The following PCDH9 variants were observed in gnomAD, a reference collection of about 807,000 sequenced individuals.
The protein encoded by PCDH9 is protocadherin 9.
A neutral mutation model predicts 70.6 loss-of-function variants in PCDH9; 24 were observed. The observed-to-expected ratio is 0.34, with a 90% CI of 0.25 to 0.48. PCDH9 has a LOEUF of 0.48. Ranked by LOEUF, PCDH9 falls within the 20% of genes least tolerant of loss-of-function variation. The pLI is 0.99. For synonymous variants in PCDH9, 562 were observed against 558.5 expected, an observed-to-expected ratio of 1.01 and a Z score of -0.09; for missense variants, 1,281 against 1,503.6, an observed-to-expected ratio of 0.85 and a Z score of 2.45.
At chr13:66,942,353 T>C (rs1054750764) in intron 2 of PCDH9, among the ~76,000 whole-genome samples, 1 of 151,082 alleles carries the variant, frequency 6.6e-6, no homozygotes, top group Admixed American at 6.6e-5. Flanking sequence ...CAGAAAAAAA[T>C]TGGCATAACC....
rs182541953 is a variant in PCDH9, at chr13:66,982,567, C to T, written c.3037-78962G>A. On this transcript the variant is annotated intron_variant, in intron 2 of 4. Coordinates refer to ENST00000377865, the MANE Select transcript of PCDH9 (RefSeq NM_203487.3). ...GAAAACTGTCTTCAAGCCCTACCTACCCCGGGTTCTCCTGGAATGAGGATC... is the reference window on the plus strand; with the variant it reads ...GAAAACTGTCTTCAAGCCCTACCTATCCCGGGTTCTCCTGGAATGAGGATC... 2.6e-4 allele frequency among the ~76,000 whole-genome samples: 39 copies of T among 152,238 alleles called. No homozygotes were observed. The East Asian group carries it at 7.5e-3, about 29-fold the overall frequency.
chr13:67,137,261 C>T (rs1411121894), intron 2 of PCDH9, among the ~76,000 whole-genome samples: 3 of 151,968 alleles, frequency 2.0e-5, no homozygotes, highest in Admixed American at 1.3e-4. Flanking sequence ...GGGCTTGATA[C>T]GGGTGAGCCA....
intron 4 of PCDH9, among the ~76,000 whole-genome samples, chr13:66,610,170 AT>A (rs922198591): frequency 6.6e-6 from 1 of 151,956 alleles, no homozygotes; most frequent in African/African-American, 2.4e-5. Flanking sequence ...ATTATTACTA[AT>A]GCATCAAATA....
intron 3 of PCDH9, among the ~76,000 whole-genome samples, chr13:66,766,022 T>C (rs1027509569): frequency 6.6e-5 from 10 of 152,070 alleles, no homozygotes; most frequent in Admixed American, 5.9e-4. Context: ...TAGGGGGATC[T>C]CTTATATAGT....
intron 4 of PCDH9, among the ~76,000 whole-genome samples, chr13:66,488,505 T>C (rs1030168201): frequency 1.3e-5 from 2 of 152,092 alleles, no homozygotes; most frequent in African/African-American, 2.4e-5. Flanking sequence ...AGATGAGAGA[T>C]TTTTATGAGT....
Position 67,227,841 on chromosome 13 carries a change from C to G in PCDH9, c.600G>C (p.Lys200Asn). Residue 200 changes from lysine (K) to asparagine (N), a missense_variant, in exon 2 of 5, where the codon AAG becomes AAC. Coordinates refer to ENST00000377865, the MANE Select transcript of PCDH9 (RefSeq NM_203487.3). The surrounding 1 kb of genome is among the most constrained non-coding windows in gnomAD (Gnocchi z 4.6). ...TTTGCTGAACAATCAGTTGTGGCCACTTCTCTCCCTCTGGAGTTTCCACGA... is the reference window on the plus strand; with the variant it reads ...TTTGCTGAACAATCAGTTGTGGCCAGTTCTCTCCCTCTGGAGTTTCCACGA... Reference protein sequence around the residue: ...LDIVETPEGEKWPQLIVQQNL... With the variant: ...LDIVETPEGENWPQLIVQQNL... 1 of 1,614,036 alleles carries G rather than the reference C, an allele frequency of 6.2e-7. No homozygotes were observed. The highest frequency in any genetic ancestry group is 2.2e-5 in the East Asian group (1 of 44,878).
intron 1 of PCDH9, 105 bp downstream of exon 1, chr13:67,229,675 G>C (rs1566517031): frequency 6.6e-6 from 1 of 152,216 alleles, no homozygotes; most frequent in East Asian, 1.9e-4. Context: ...CCGAGTAGGT[G>C]AGCTCTGCCC....
intron 3 of PCDH9, among the ~76,000 whole-genome samples, chr13:66,642,695 T>C (rs1300640118): frequency 6.6e-6 from 1 of 152,036 alleles, no homozygotes; most frequent in Admixed American, 6.6e-5. Flanking sequence ...GAACAGTATT[T>C]TTTAAAAAAA....
rs554122120 is a variant in PCDH9, at chr13:66,886,304, G to A, written c.3138+17200C>T. The stretch of plus-strand genomic sequence containing the variant: ...GCAGAAAAGGAAGAGAACATTGGGT[G>A]AAAGAAACACCCCTTCTCTATTTAC... On this transcript the variant is annotated intron_variant, in intron 3 of 4. Transcript: ENST00000377865. Among the ~76,000 whole-genome samples, 3 of 152,230 alleles carry A rather than the reference G, an allele frequency of 2.0e-5. No individual in the cohort carries two copies. The East Asian group carries it at 5.8e-4, about 29-fold the overall frequency.
intron 4 of PCDH9, among the ~76,000 whole-genome samples, chr13:66,588,468 T>G (rs2076993076): frequency 6.8e-6 from 1 of 148,128 alleles, no homozygotes; most frequent in Non-Finnish European, 1.5e-5. Flanking sequence ...TTTATTTTAT[T>G]TTGCACTCAA....
At chr13:66,526,308 C>T (rs1249232488) in intron 4 of PCDH9, among the ~76,000 whole-genome samples, 1 of 152,002 alleles carries the variant, frequency 6.6e-6, no homozygotes, top group Non-Finnish European at 1.5e-5. Flanking sequence ...GACTGTGATC[C>T]TGCGGTGCTA....
chr13:66,666,211 C>T (rs1229214565), intron 3 of PCDH9, among the ~76,000 whole-genome samples: 4 of 152,206 alleles, frequency 2.6e-5, no homozygotes, highest in Admixed American at 2.6e-4. Flanking sequence ...GCAGGTCAAA[C>T]GTGGAGCAGG....
At chr13:66,612,986 A>G (rs2077311413) in intron 4 of PCDH9, among the ~76,000 whole-genome samples, 1 of 152,142 alleles carries the variant, frequency 6.6e-6, no homozygotes, top group African/African-American at 2.4e-5. Flanking sequence ...GGGCTCAATA[A>G]GTGGTGAGTG....
Position 66,966,103 on chromosome 13 carries a change from T to G in PCDH9, c.3037-62498A>C, listed in dbSNP as rs76727485. Among the ~76,000 whole-genome samples the G allele has an allele frequency of 3.3e-3, 506 of 152,260 alleles. 5 individuals are homozygous for G. The highest frequency in any genetic ancestry group is 0.012 in the African/African-American group (491 of 41,574). ...TATCATATATTTACTTGGCTCTTCT[T>G]ATTTCTAGACATGGAGATTAGGGGT... On this transcript the variant is annotated intron_variant, in intron 2 of 4. Transcript: ENST00000377865.
At chr13:66,626,246 T>C (rs1343142801) in intron 4 of PCDH9, among the ~76,000 whole-genome samples, 3 of 152,116 alleles carry the variant, frequency 2.0e-5, no homozygotes, top group Non-Finnish European at 4.4e-5. Flanking sequence ...CTGTGCCATG[T>C]TTGTTGAGCA....
At chr13:66,755,822 G>C (rs905183692) in intron 3 of PCDH9, among the ~76,000 whole-genome samples, 20 of 152,074 alleles carry the variant, frequency 1.3e-4, no homozygotes, top group African/African-American at 4.3e-4. Flanking sequence ...AAAATTCCAA[G>C]GAATAAAAAA....
chr13:66,385,997 A>G (rs562825078), intron 4 of PCDH9, among the ~76,000 whole-genome samples: 12 of 110,860 alleles, frequency 1.1e-4, no homozygotes, highest in African/African-American at 4.4e-4. Flanking sequence ...CGTATCTGAT[A>G]AAAAAAAAAA....
At chr13:66,619,768 C>T (rs2077400455) in intron 4 of PCDH9, among the ~76,000 whole-genome samples, 1 of 152,056 alleles carries the variant, frequency 6.6e-6, no homozygotes, top group Admixed American at 6.5e-5. Flanking sequence ...GCTCAAATAT[C>T]CCTGGAACTT....
intron 4 of PCDH9, among the ~76,000 whole-genome samples, chr13:66,525,018 T>C (rs1326546449): frequency 6.6e-6 from 1 of 152,086 alleles, no homozygotes; most frequent in Non-Finnish European, 1.5e-5. Context: ...GAACATGTGC[T>C]TGCATGCCTC....
Sources: gnomAD v4.1 joint callset for allele counts (sites outside exome capture counted in the v4.1 genomes callset) on GRCh38, gnomAD v4.1.1 for gene constraint, Gnocchi (gnomAD v3.1) non-coding constraint, MANE v1.5 for transcripts, NCBI Gene and HGNC (gene_info 2026-07-23, HGNC 2026-07-21) for gene names.